RUFY2: variants seen among roughly 807,000 people sequenced by gnomAD.
RUFY2 encodes the protein RUN and FYVE domain containing 2, also known as RUN and FYVE domain-containing protein 2.
Under a neutral mutation model 94.4 loss-of-function variants are expected in RUFY2, and 49 were observed. That is an observed-to-expected ratio of 0.52 (90% CI 0.41 to 0.66). RUFY2 has a LOEUF of 0.66. RUFY2 is among the 30% of genes least tolerant of loss of function. The pLI, the probability that RUFY2 is intolerant of heterozygous loss-of-function variation, is 0.00. For synonymous variants in RUFY2, 255 were observed against 235.7 expected (o/e 1.08, Z -0.75); for missense variants, 541 against 692.8 (o/e 0.78, Z 2.46).
At chr10:68,365,939 G>C (rs2047778293) in intron 13 of RUFY2, among the ~76,000 whole-genome samples, 1 of 152,074 alleles carries the variant, frequency 6.6e-6, no homozygotes, top group African/African-American at 2.4e-5. Flanking sequence ...GAAAAAAAGT[G>C]AATGAAAAAG....
intron 13 of RUFY2, among the ~76,000 whole-genome samples, chr10:68,372,610 C>A (rs1398361153): frequency 6.8e-6 from 1 of 147,888 alleles, no homozygotes; most frequent in Non-Finnish European, 1.5e-5. Context: ...AAAAAAGAGG[C>A]CAGGCACAGT....
Position 68,367,967 on chromosome 10 carries a change from CT to C in RUFY2, c.1326-3855del, listed in dbSNP as rs748208331. ...ACAATGTAGAAATAATGTGGGTTGT[CT>C]TTTTTTTTTTTTTTTGAGACGGAGT... is the stretch of plus-strand genomic sequence containing the variant. On this transcript the variant is annotated intron_variant, in intron 13 of 17. Transcript: ENST00000602465. Among the ~76,000 whole-genome samples, 689 of 138,936 alleles carry C rather than the reference CT, an allele frequency of 5.0e-3. 1 individual carries two copies. Among genetic ancestry groups the C allele is most frequent in the Middle Eastern group, 0.034 (9 of 262 alleles). The allele number at this position is 138,936 out of a possible 152,430, so 91.1% of individuals were successfully genotyped here. A position where few individuals can be genotyped will look rare whatever the true frequency, so the allele number is the denominator to read the frequency against.
At chr10:68,406,693 T>TC (rs918203834) in intron 1 of RUFY2, 79 of 1,411,934 alleles carry the variant, frequency 5.6e-5, no homozygotes, top group African/African-American at 8.8e-5. Flanking sequence ...TCCTGCCCCC[T>TC]CCCCCCAGCA....
At chr10:68,364,565 T>C (rs951400655) in intron 13 of RUFY2, among the ~76,000 whole-genome samples, 5 of 152,176 alleles carry the variant, frequency 3.3e-5, no homozygotes, top group Admixed American at 6.6e-5. Context: ...TCAGTTTAAC[T>C]TCAGTAACGG....
At chr10:68,386,272 C>G in intron 7 of RUFY2, 144 bp from the exon 8 acceptor site, 1 of 564,350 alleles carries the variant, frequency 1.8e-6, no homozygotes, top group Non-Finnish European at 3.1e-6. Flanking sequence ...ATTTCATTAA[C>G]TTGGATAACT....
intron 16 of RUFY2, among the ~76,000 whole-genome samples, chr10:68,349,656 A>G (rs2046527030): frequency 1.3e-5 from 2 of 151,642 alleles, no homozygotes; most frequent in Admixed American, 1.3e-4. Context: ...CTCCTGCCTC[A>G]GTCTCCTAAG....
rs528071718 is a variant in RUFY2 at position 68,353,098 on chromosome 10, C to T, written c.1599+2255G>A. On this transcript the variant is annotated intron_variant, in intron 16 of 17. Coordinates refer to ENST00000602465, the MANE Select transcript of RUFY2 (RefSeq NM_001330103.2). ...CTGTAAGCCCAGCACTTTGGGAGGC[C>T]GAGGCAGGTGCATCACCTGAGGTCA... Among the ~76,000 whole-genome samples, 80 of 151,976 alleles carry T rather than the reference C, an allele frequency of 5.3e-4. No individual in the cohort carries two copies. In the South Asian group the frequency reaches 5.4e-3, roughly 10 times the overall value.
At chr10:68,404,904 A>G (rs2051148735) in intron 1 of RUFY2, 60 bp from the exon 2 acceptor site, 14 of 1,358,336 alleles carry the variant, frequency 1.0e-5, no homozygotes, top group Non-Finnish European at 1.4e-5. Context: ...AAAAATATAC[A>G]AACCATTCCC....
chr10:68,383,809 G>T lies in RUFY2; in HGVS notation c.928C>A (p.Gln310Lys), dbSNP rs748424148. 1.2e-6 allele frequency: 2 copies of T among 1,608,248 alleles called. No individual in the cohort carries two copies. The highest frequency in any genetic ancestry group is 2.2e-5 in the South Asian group (2 of 90,924). ...TTAATATAACCTACCTGTCGTAACT[G>T]AGATTCATCTCGAAGCTGCCTTCTG... ...EARRQLRDESQLRQDVENELA... is the reference protein window; with the variant it reads ...EARRQLRDESKLRQDVENELA... The change falls in exon 10 of 18, where the codon CAG (glutamine) becomes AAG (lysine). Residue 310 changes from glutamine to lysine, a missense_variant. Gln to Lys is a moderately conservative substitution (Grantham distance 53). Coordinates refer to ENST00000602465, the MANE Select transcript of RUFY2 (RefSeq NM_001330103.2).
rs764172830 is a variant in RUFY2 at position 68,376,442 on chromosome 10, G to GTATATATA, written c.1325+403_1325+410dup. Among the ~76,000 whole-genome samples the GTATATATA allele has an allele frequency of 1.5e-3, 41 of 27,950 alleles. 2 individuals carry two copies. Among genetic ancestry groups the GTATATATA allele is most frequent in the Non-Finnish European group, 2.6e-3 (26 of 10,036 alleles). The allele number at this position is 27,950 out of a possible 152,430, so 18.3% of individuals were successfully genotyped here. A position where few individuals can be genotyped will look rare whatever the true frequency, so the allele number is the denominator to read the frequency against. The stretch of plus-strand genomic sequence containing the variant: ...GAAACTTCATCTCAAAAAAATGTGT[G>GTATATATA]TATATATATATATATATATATATAT... On this transcript the variant is annotated intron_variant, in intron 13 of 17. Transcript: ENST00000602465.
In RUFY2 at chr10:68,369,525, G is replaced by A. The variant is rs999490776; in HGVS notation, c.1326-5412C>T. Among the ~76,000 whole-genome samples, 19 of 151,584 alleles carry A rather than the reference G, an allele frequency of 1.3e-4. No homozygotes were observed. The South Asian group carries it at 1.5e-3, about 12-fold the overall frequency. On this transcript the variant is annotated intron_variant, in intron 13 of 17. Coordinates refer to ENST00000602465, the MANE Select transcript of RUFY2 (RefSeq NM_001330103.2). Reference sequence around the variant, plus strand: ...AAAAAAAAACAAAAAAAAACCAGGCGAGGCCTTTAAGAGGTAATTGGCTTA... The same window carrying A: ...AAAAAAAAACAAAAAAAAACCAGGCAAGGCCTTTAAGAGGTAATTGGCTTA...
At chr10:68,402,597 T>C (rs574959994) in intron 2 of RUFY2, among the ~76,000 whole-genome samples, 18 of 152,170 alleles carry the variant, frequency 1.2e-4, no homozygotes, top group African/African-American at 4.1e-4. Context: ...ATTTTGGCCA[T>C]AATTTGGCAA....
intron 2 of RUFY2, 106 bp from the exon 3 acceptor site, chr10:68,401,843 A>G: frequency 1.4e-6 from 1 of 714,192 alleles, no homozygotes; most frequent in Non-Finnish European, 2.4e-6. Flanking sequence ...ACAATTATTC[A>G]GAGATCTTTC....
Position 68,343,776 on chromosome 10 carries a change from A to C in RUFY2, c.*1992T>G, listed in dbSNP as rs1320624714. The C allele has an allele frequency of 6.6e-6, 1 of 151,090 alleles. No homozygotes were observed. Among genetic ancestry groups the C allele is most frequent in the African/African-American group, 2.4e-5 (1 of 40,988 alleles). 9.4% of individuals were successfully genotyped at this position (151,090 alleles called of 1,614,324 possible). On this transcript the variant is annotated 3_prime_UTR_variant, in exon 18 of 18. Coordinates refer to ENST00000602465, the MANE Select transcript of RUFY2 (RefSeq NM_001330103.2). The stretch of plus-strand genomic sequence containing the variant: ...TATAGTTTTTAAATAAGCCAAAACT[A>C]CATGGAGCAAGTTGCTGTCATAAAA...
chr10:68,394,974 A>G (rs934765659), intron 4 of RUFY2, among the ~76,000 whole-genome samples: 2 of 152,088 alleles, frequency 1.3e-5, no homozygotes, highest in Non-Finnish European at 2.9e-5. Flanking sequence ...TGAAAAATCA[A>G]AAGGACTGAA....
intron 15 of RUFY2, among the ~76,000 whole-genome samples, chr10:68,359,601 TGC>T (rs1470258137): frequency 5.5e-5 from 8 of 146,230 alleles, no homozygotes; most frequent in Admixed American, 1.4e-4. Flanking sequence ...ATAGTAGTAG[TGC>T]TACTATATAT....
chr10:68,379,160 T>C (rs2048858078), intron 12 of RUFY2: 1 of 341,820 alleles, frequency 2.9e-6, no homozygotes, highest in Non-Finnish European at 5.2e-6. Context: ...GTATTTGTTT[T>C]ATGTAACTGA....
At chr10:68,351,266 G>A (rs2046649880) in intron 16 of RUFY2, among the ~76,000 whole-genome samples, 1 of 150,670 alleles carries the variant, frequency 6.6e-6, no homozygotes, top group Non-Finnish European at 1.5e-5. Flanking sequence ...TGAGTAGCTG[G>A]GATTACAGGC....
chr10:68,353,780 C>T (rs2046860619), intron 16 of RUFY2, among the ~76,000 whole-genome samples: 2 of 151,776 alleles, frequency 1.3e-5, no homozygotes, highest in Admixed American at 1.3e-4. Context: ...GCCTGGGCAA[C>T]ACAGCAAGAC....
Sources: allele counts gnomAD v4.1 joint callset (sites outside exome capture counted in the v4.1 genomes callset), GRCh38; gene constraint gnomAD v4.1.1; transcripts MANE v1.5; gene names NCBI Gene and HGNC (gene_info 2026-07-23, HGNC 2026-07-21).